Variants in HS2ST1 observed in about 807,000 individuals in gnomAD.
HS2ST1 encodes the protein 2-O-sulfotransferase.
Under a neutral mutation model 42.9 loss-of-function variants are expected in HS2ST1, and 18 were observed. The observed-to-expected ratio is 0.42, with a 90% CI of 0.29 to 0.62. HS2ST1 has a LOEUF of 0.62. HS2ST1 is among the 20% of genes least tolerant of loss of function. The probability of loss-of-function intolerance (pLI) is 0.21; values close to 1 mark genes in which losing one functional copy is unlikely to be tolerated. For synonymous variants in HS2ST1, 146 were observed against 152.9 expected, an observed-to-expected ratio of 0.95 and a Z score of 0.33; for missense variants, 334 against 433.8, an observed-to-expected ratio of 0.77 and a Z score of 2.04.
At chr1:87,100,527 AT>A (rs1652173854) in intron 5 of HS2ST1, among the ~76,000 whole-genome samples, 1 of 152,028 alleles carries the variant, frequency 6.6e-6, no homozygotes, top group African/African-American at 2.4e-5. Flanking sequence ...CCTTTTTCCC[AT>A]TGTCTTGGAT....
At position 86,914,923 on chromosome 1, in the gene HS2ST1, C is replaced by G; in HGVS notation, c.-114C>G. 2.2e-6 allele frequency: 3 copies of G among 1,335,700 alleles called. No individual in the cohort carries two copies. The highest frequency in any genetic ancestry group is 3.1e-6 in the Non-Finnish European group (3 of 958,066). The allele number at this position is 1,335,700 out of a possible 1,614,324, so 82.7% of individuals were successfully genotyped here. On this transcript the variant is annotated 5_prime_UTR_variant, in exon 1 of 7. Transcript: ENST00000370550. Reference sequence around the variant, plus strand: ...GTCGCTGCGGTGGTTCTCTCGCTGTCGCTCTCTCTTTGCCTCGCTCCCGGC... The same window carrying G: ...GTCGCTGCGGTGGTTCTCTCGCTGTGGCTCTCTCTTTGCCTCGCTCCCGGC...
At chr1:86,917,561 G>A (rs538715718) in intron 1 of HS2ST1, among the ~76,000 whole-genome samples, 1 of 151,528 alleles carries the variant, frequency 6.6e-6, no homozygotes, top group African/African-American at 2.4e-5. Flanking sequence ...CATTTTTGCA[G>A]ATGCAGGAAC....
At chr1:86,973,464 A>G (rs1322428847) in intron 1 of HS2ST1, among the ~76,000 whole-genome samples, 1 of 152,112 alleles carries the variant, frequency 6.6e-6, no homozygotes, top group Non-Finnish European at 1.5e-5. Flanking sequence ...CCTAAATTCT[A>G]ATCTTGGAGT....
intron 1 of HS2ST1, among the ~76,000 whole-genome samples, chr1:87,055,489 A>G (rs565593354): frequency 6.6e-5 from 10 of 152,182 alleles, no homozygotes; most frequent in Admixed American, 2.6e-4. Flanking sequence ...AATCCTCACT[A>G]TGTCTTCAGG....
At chr1:86,982,373 A>C (rs1044519207) in intron 1 of HS2ST1, among the ~76,000 whole-genome samples, 1 of 152,226 alleles carries the variant, frequency 6.6e-6, no homozygotes, top group Admixed American at 6.5e-5. Context: ...TCCTCCCCAG[A>C]AAATGACTTT....
chr1:87,062,054 T>C (rs1043093733), intron 1 of HS2ST1, among the ~76,000 whole-genome samples: 1 of 152,138 alleles, frequency 6.6e-6, no homozygotes, highest in Non-Finnish European at 1.5e-5. Context: ...TCATGTTTGT[T>C]AGTCATTTGT....
At chr1:86,973,074 T>G (rs1047310070) in intron 1 of HS2ST1, among the ~76,000 whole-genome samples, 2 of 152,206 alleles carry the variant, frequency 1.3e-5, no homozygotes, top group Admixed American at 1.3e-4. Context: ...CTTGTTAAGG[T>G]GGTTTCTGCT....
chr1:87,017,309 G>A (rs1649788554), intron 1 of HS2ST1, among the ~76,000 whole-genome samples: 1 of 152,098 alleles, frequency 6.6e-6, no homozygotes, highest in African/African-American at 2.4e-5. Flanking sequence ...GCTAATTTTT[G>A]TATTTTTAGT....
intron 1 of HS2ST1, among the ~76,000 whole-genome samples, chr1:86,919,884 T>C (rs999064613): frequency 4.6e-5 from 7 of 152,184 alleles, no homozygotes; most frequent in African/African-American, 1.2e-4. Flanking sequence ...TGTATTAAAA[T>C]GTAGACTTAA....
At chr1:86,964,287 G>A (rs983552635) in intron 1 of HS2ST1, among the ~76,000 whole-genome samples, 1 of 152,198 alleles carries the variant, frequency 6.6e-6, no homozygotes, top group East Asian at 1.9e-4. Context: ...CAAGGCAGGC[G>A]GCTGGGAGGT....
intron 1 of HS2ST1, among the ~76,000 whole-genome samples, chr1:86,952,552 G>GA (rs1401531808): frequency 6.6e-6 from 1 of 152,166 alleles, no homozygotes; most frequent in Non-Finnish European, 1.5e-5. Flanking sequence ...AATAAAACTT[G>GA]AAAGTCAAAA....
At chr1:87,076,525 T>A (rs1372697853) in intron 2 of HS2ST1, among the ~76,000 whole-genome samples, 1 of 152,134 alleles carries the variant, frequency 6.6e-6, no homozygotes, top group Non-Finnish European at 1.5e-5. Flanking sequence ...AATAAAAAAG[T>A]TGAAAAGTTA....
At chr1:86,925,298 G>A (rs1263946569) in intron 1 of HS2ST1, among the ~76,000 whole-genome samples, 3 of 152,122 alleles carry the variant, frequency 2.0e-5, no homozygotes, top group Non-Finnish European at 2.9e-5. Flanking sequence ...ACATTTTCCT[G>A]TCTTGTTCTG....
chr1:86,963,409 G>A (rs1647913476), intron 1 of HS2ST1, among the ~76,000 whole-genome samples: 1 of 152,112 alleles, frequency 6.6e-6, no homozygotes, highest in South Asian at 2.1e-4. Flanking sequence ...AGCACATCTT[G>A]CACTGCCCTT....
intron 2 of HS2ST1, 90 bp from the exon 3 acceptor site, chr1:87,084,104 G>T (rs922428447): frequency 3.0e-5 from 24 of 813,162 alleles, no homozygotes; most frequent in Non-Finnish European, 4.0e-5. Context: ...GTGGTTTTAG[G>T]TTTTTAAATT....
chr1:87,093,906 C>T (rs563695927), intron 4 of HS2ST1, among the ~76,000 whole-genome samples: 1 of 151,600 alleles, frequency 6.6e-6, no homozygotes, highest in East Asian at 1.9e-4. Flanking sequence ...TCTTTAGTCT[C>T]AAAGCTTTAG....
intron 1 of HS2ST1, among the ~76,000 whole-genome samples, chr1:86,989,138 AG>A (rs1197943983): frequency 3.3e-5 from 5 of 152,248 alleles, no homozygotes; most frequent in Non-Finnish European, 5.9e-5. Context: ...GTTTCAAAAT[AG>A]CCAGCTAAAA....
At chr1:87,061,058 C>T (rs1651108413) in intron 1 of HS2ST1, among the ~76,000 whole-genome samples, 1 of 151,896 alleles carries the variant, frequency 6.6e-6, no homozygotes, top group South Asian at 2.1e-4. Context: ...AATGTGGAAG[C>T]ATTATGTTTG....
chr1:87,104,671 A>T lies in HS2ST1; in HGVS notation c.1046A>T (p.Glu349Val). Residue 349 changes from glutamate (E) to valine (V), a missense_variant, in exon 7 of 7, where the codon GAA becomes GTA. By Grantham distance (121) the Glu-to-Val change is moderately radical. Coordinates refer to ENST00000370550, the MANE Select transcript of HS2ST1 (RefSeq NM_012262.4). ...LYILAQNFFY[E>V]KIYPKSN ...ATCCTCGCACAAAACTTTTTCTATG[A>T]AAAGATTTACCCTAAGTCGAACTGA... 6.2e-7 allele frequency: 1 copy of T among 1,610,996 alleles called. No individual in the cohort carries two copies. The highest frequency in any genetic ancestry group is 1.1e-5 in the South Asian group (1 of 91,010).
Sources: allele counts gnomAD v4.1 joint callset (sites outside exome capture counted in the v4.1 genomes callset), GRCh38; gene constraint gnomAD v4.1.1; transcripts MANE v1.5; gene names NCBI Gene and HGNC (gene_info 2026-07-23, HGNC 2026-07-21).